SEC24C: variants seen among roughly 807,000 people sequenced by gnomAD.
The protein encoded by SEC24C is SEC24 homolog C, COPII component.
Under a neutral mutation model 117.0 loss-of-function variants are expected in SEC24C, and 22 were observed. The ratio of observed to expected loss-of-function variants is 0.19; its 90% confidence interval spans 0.13 to 0.27. SEC24C has a LOEUF of 0.27. SEC24C is among the 10% of genes least tolerant of loss of function. SEC24C has a pLI of 1.00. For missense variants in SEC24C, 1,155 were observed against 1,375.1 expected, an observed-to-expected ratio of 0.84 and a Z score of 2.53; for synonymous variants, 506 against 529.4, an observed-to-expected ratio of 0.96 and a Z score of 0.61.
chr10:73,761,611 CCTT>C (rs1302403593), intron 6 of SEC24C, among the ~76,000 whole-genome samples: 3 of 152,162 alleles, frequency 2.0e-5, no homozygotes, highest in Non-Finnish European at 4.4e-5. Context: ...CCCTCTTCCT[CCTT>C]TGGGTAACCA....
At chr10:73,756,054 G>A (rs2082705949) in intron 3 of SEC24C, among the ~76,000 whole-genome samples, 2 of 152,184 alleles carry the variant, frequency 1.3e-5, no homozygotes, top group South Asian at 4.1e-4. Context: ...GTTTCACCGT[G>A]TTGGCCAGGC....
Position 73,771,125 on chromosome 10 carries a change from G to A in SEC24C, c.*30G>A. ...AGTGGGTAAATGGCATAGGGCCCAG[G>A]CTAGCTTCCAGAAAGCACCCCAGGA... is the stretch of plus-strand genomic sequence containing the variant. On this transcript the variant is annotated 3_prime_UTR_variant, in exon 23 of 23. Transcript: ENST00000345254. 6.2e-7 allele frequency: 1 copy of A among 1,604,558 alleles called. No homozygotes were observed. Among genetic ancestry groups the A allele is most frequent in the Non-Finnish European group, 8.5e-7 (1 of 1,175,704 alleles).
intron 8 of SEC24C, among the ~76,000 whole-genome samples, chr10:73,764,871 C>G (rs2082857023): frequency 6.6e-6 from 1 of 152,194 alleles, no homozygotes. Context: ...TTACTAGAAG[C>G]CAAAGGCTCA....
rs773903334 is a variant in SEC24C at position 73,762,208 on chromosome 10, T to A, written c.988-1282T>A. ...GGTGTTTGTGCATGTCATTCCTGTG[T>A]TAGTGCCATCCATGCATGCCTGTGA... On this transcript the variant is annotated intron_variant, in intron 6 of 22. Transcript: ENST00000345254. 6.4e-6 allele frequency: 8 copies of A among 1,250,044 alleles called. No individual in the cohort carries two copies. The South Asian group carries it at 1.0e-4, about 16-fold the overall frequency. 77.4% of individuals were successfully genotyped at this position (1,250,044 alleles called of 1,614,324 possible).
chr10:73,769,113 T>C lies in SEC24C; in HGVS notation c.2385T>C (p.His795=). The part of the protein sequence containing the change: ...GDKTVTVEFK[H]DDRLNEESGA... ...AAACAGTGACTGTGGAGTTCAAGCA[T>C]GACGATCGGCTCAATGAAGAGAGCG... The change falls in exon 17 of 23, where the codon CAT becomes CAC. Residue 795 remains histidine (H), a synonymous_variant. Transcript: ENST00000345254. The surrounding 1 kb of genome is among the most constrained non-coding windows in gnomAD (Gnocchi z 4.5). 2.5e-6 allele frequency: 4 copies of C among 1,614,134 alleles called. No individual in the cohort carries two copies. Among genetic ancestry groups the C allele is most frequent in the Non-Finnish European group, 3.4e-6 (4 of 1,180,008 alleles).
At chr10:73,748,054 C>T (rs779742147) in intron 2 of SEC24C, among the ~76,000 whole-genome samples, 1 of 152,158 alleles carries the variant, frequency 6.6e-6, no homozygotes, top group Non-Finnish European at 1.5e-5. Context: ...CTTGGCCTCC[C>T]AAAATGCTGG....
intron 2 of SEC24C, among the ~76,000 whole-genome samples, chr10:73,747,548 T>G (rs2082575003): frequency 6.6e-6 from 1 of 151,864 alleles, no homozygotes; most frequent in Admixed American, 6.6e-5. Context: ...AGATGGGGGT[T>G]TCACCATCTT....
rs1270627325 is a variant in SEC24C, at chr10:73,765,564, C to T, written c.1341C>T (p.Cys447=). ...TTGAAGGAGGGAGGCGTTTCCAGTG[C>T]TGTTTTTGCAGCTGTATCAATGATG... ...QFIEGGRRFQ[C]CFCSCINDVP... Residue 447 remains cysteine, a synonymous_variant, in exon 9 of 23, where the codon TGC becomes TGT. Coordinates refer to ENST00000345254, the MANE Select transcript of SEC24C (RefSeq NM_198597.3). 3.7e-6 allele frequency: 6 copies of T among 1,613,874 alleles called. No individual in the cohort carries two copies. The highest frequency in any genetic ancestry group is 5.1e-6 in the Non-Finnish European group (6 of 1,179,760).
chr10:73,746,805 G>T lies in SEC24C; in HGVS notation c.-28G>T. On this transcript the variant is annotated splice_region_variant and 5_prime_UTR_variant, in exon 2 of 23. Transcript: ENST00000345254. ...GACTAATTTCTCCTCTCTCTCACAGGTGAGATCAAATTGGGAATGCTTTCA... is the reference window on the plus strand; with the variant it reads ...GACTAATTTCTCCTCTCTCTCACAGTTGAGATCAAATTGGGAATGCTTTCA... 2 of 1,580,578 alleles carry T rather than the reference G, an allele frequency of 1.3e-6. No individual in the cohort carries two copies. The highest frequency in any genetic ancestry group is 1.3e-5 in the African/African-American group (1 of 74,222).
At chr10:73,744,940 C>A (rs1383944351) in intron 1 of SEC24C, among the ~76,000 whole-genome samples, 2 of 152,166 alleles carry the variant, frequency 1.3e-5, no homozygotes, top group Admixed American at 6.6e-5. Context: ...ACCCCTCCCC[C>A]CGGCTTTGGA....
At chr10:73,766,036 A>G (rs544229394) in intron 10 of SEC24C, 50 bp from the exon 11 acceptor site, 4 of 1,604,694 alleles carry the variant, frequency 2.5e-6, no homozygotes, top group African/African-American at 1.3e-5. Context: ...TCTATAGTCA[A>G]CTGGCCTGCT....
At chr10:73,761,720 G>A (rs1295175691) in intron 6 of SEC24C, among the ~76,000 whole-genome samples, 1 of 152,084 alleles carries the variant, frequency 6.6e-6, no homozygotes, top group African/African-American at 2.4e-5. Context: ...GAGTCTGGTT[G>A]GACATGAAGG....
chr10:73,750,856 C>A (rs140435340), intron 2 of SEC24C, among the ~76,000 whole-genome samples: 2 of 152,202 alleles, frequency 1.3e-5, no homozygotes, highest in Non-Finnish European at 2.9e-5. Context: ...GAAGGCCCTA[C>A]ATTCTTGTGC....
intron 3 of SEC24C, among the ~76,000 whole-genome samples, chr10:73,751,472 T>A (rs188160074): frequency 2.6e-3 from 390 of 152,142 alleles, no homozygotes; most frequent in African/African-American, 9.1e-3. Context: ...GGCAGAAGAA[T>A]CATGAGGCAG....
intron 4 of SEC24C, 106 bp downstream of exon 4, chr10:73,759,900 T>C (rs2082769876): frequency 1.3e-6 from 2 of 1,488,482 alleles, no homozygotes; most frequent in Admixed American, 2.3e-5. Flanking sequence ...CCTGTGCCTC[T>C]GAGCCTCAGA....
intron 8 of SEC24C, 127 bp from the exon 9 acceptor site, chr10:73,765,324 C>T (rs896633858): frequency 8.1e-6 from 8 of 989,926 alleles, no homozygotes; most frequent in African/African-American, 8.0e-5. Context: ...TCATTGTGCT[C>T]CCTACTCCCT....
intron 3 of SEC24C, among the ~76,000 whole-genome samples, chr10:73,754,611 A>G (rs1406391746): frequency 6.6e-6 from 1 of 151,880 alleles, no homozygotes; most frequent in Non-Finnish European, 1.5e-5. Context: ...CCTCATATAA[A>G]CTCTATTCAA....
chr10:73,764,273 C>G (rs952598949), intron 8 of SEC24C, among the ~76,000 whole-genome samples: 6 of 151,876 alleles, frequency 4.0e-5, no homozygotes, highest in Non-Finnish European at 7.4e-5. Context: ...GCCTGTAATC[C>G]CAGCACTTTG....
At chr10:73,747,655 ATTT>A (rs774177202) in intron 2 of SEC24C, among the ~76,000 whole-genome samples, 2 of 84,006 alleles carry the variant, frequency 2.4e-5, no homozygotes, top group Admixed American at 1.3e-4. Context: ...CCTGGCCTGT[ATTT>A]TTTTTTTTTT....
Sources: allele counts gnomAD v4.1 joint callset (sites outside exome capture counted in the v4.1 genomes callset), GRCh38; gene constraint gnomAD v4.1.1; non-coding constraint Gnocchi (gnomAD v3.1); transcripts MANE v1.5; gene names NCBI Gene and HGNC (gene_info 2026-07-23, HGNC 2026-07-21).